The following OGG1 variants were observed in gnomAD, a reference collection of about 807,000 sequenced individuals.
OGG1 encodes 8-oxoguanine DNA glycosylase.
OGG1 carries 35 observed loss-of-function variants against 42.3 expected under a neutral mutation model. The observed-to-expected ratio is 0.83, with a 90% confidence interval of 0.63 to 1.10. The LOEUF is 1.10. OGG1 is among the 50% of genes least tolerant of loss of function. The pLI is 0.00. For synonymous variants in OGG1, 189 were observed against 179.0 expected (o/e 1.06, Z -0.44); for missense variants, 484 against 446.7 (o/e 1.08, Z -0.75).
downstream of OGG1, chr3:9,758,872 CAACCA>C: frequency 2.8e-6 from 1 of 353,870 alleles, no homozygotes; most frequent in East Asian, 7.2e-5. Context: ...TCAGGTGATC[CAACCA>C]CCTCGGCCTC....
At chr3:9,761,639 C>A (rs767399471), downstream of OGG1, 1 of 1,614,154 alleles carries the variant, frequency 6.2e-7, no homozygotes, top group Non-Finnish European at 8.5e-7. Context: ...ACCCACGTAT[C>A]CCGGAGTTCC....
downstream of OGG1, among the ~76,000 whole-genome samples, chr3:9,771,495 A>G (rs1219948803): frequency 6.6e-6 from 1 of 152,186 alleles, no homozygotes; most frequent in Non-Finnish European, 1.5e-5. Context: ...TCTATGATAT[A>G]ATGATATGAA....
At chr3:9,759,324 G>C (rs1015314553), downstream of OGG1, 3 of 1,577,460 alleles carry the variant, frequency 1.9e-6, no homozygotes, top group Admixed American at 5.0e-5. Context: ...GGTGTTGGGA[G>C]TGTTTGTTGA....
At chr3:9,770,752 C>T (rs927352474), downstream of OGG1, among the ~76,000 whole-genome samples, 1 of 151,190 alleles carries the variant, frequency 6.6e-6, no homozygotes, top group Admixed American at 6.6e-5. Context: ...TCGGTTTGCT[C>T]AAGGCCTTCC....
At chr3:9,781,971 A>G (rs2078479777) in intron 3 of OGG1, among the ~76,000 whole-genome samples, 1 of 150,980 alleles carries the variant, frequency 6.6e-6, no homozygotes, top group South Asian at 2.1e-4. Flanking sequence ...CCTGAGTAGG[A>G]CTATAGGCAT....
downstream of OGG1, among the ~76,000 whole-genome samples, chr3:9,768,688 C>G (rs1413302568): frequency 6.6e-6 from 1 of 152,178 alleles, no homozygotes; most frequent in Admixed American, 6.5e-5. Context: ...ACACAGCCTC[C>G]CAACCCATCC....
Position 9,766,319 on chromosome 3 carries a change from C to CT in OGG1, c.*489dup, listed in dbSNP as rs2125594858. ...CTCTGGATCCAGCCATGCCTGAGGT[C>CT]TACCCCTGGGCTTTTGGATTATGTG... On this transcript the variant is annotated 3_prime_UTR_variant, in exon 8 of 8. Transcript: ENST00000302008. The CT allele has an allele frequency of 1.6e-5, 11 of 694,098 alleles. No homozygotes were observed. In the South Asian group the frequency reaches 1.7e-4, roughly 10 times the overall value. 43.0% of individuals were successfully genotyped at this position (694,098 alleles called of 1,614,324 possible).
exon 4 of OGG1, chr3:9,787,864 C>A (rs2078652942): frequency 8.4e-6 from 4 of 474,242 alleles, no homozygotes; most frequent in Non-Finnish European, 1.5e-5. Flanking sequence ...GAGATCAGGG[C>A]CTTGAAGGGT....
chr3:9,752,358 G>C (rs1053877628), intron 3 of OGG1, among the ~76,000 whole-genome samples: 1 of 151,948 alleles, frequency 6.6e-6, no homozygotes, highest in African/African-American at 2.4e-5. Flanking sequence ...TATTATTGGA[G>C]TTGTCATGAG....
chr3:9,767,574 T>C, downstream of OGG1: 1 of 1,534,626 alleles, frequency 6.5e-7, no homozygotes, highest in Non-Finnish European at 9.0e-7. Flanking sequence ...GCCTGGGCTG[T>C]GGGAAACAGG....
chr3:9,784,864 CAAA>C (rs56673103), intron 3 of OGG1, among the ~76,000 whole-genome samples: 3 of 97,392 alleles, frequency 3.1e-5, no homozygotes. Flanking sequence ...GACTCCATCT[CAAA>C]AAAAAAAAAA....
In OGG1 at chr3:9,764,618, T is replaced by G. The variant is rs539871213; in HGVS notation, c.1049-1191T>G. ...TGAGCCACTGCGCCTGGCGTTTTTG[T>G]TTTTTTTTTGTTTTTTTTTTTTTTT... On this transcript the variant is annotated intron_variant, in intron 7 of 7. Transcript: ENST00000302008. Among the ~76,000 whole-genome samples the G allele has an allele frequency of 1.0e-3, 106 of 103,234 alleles. 2 individuals are homozygous for G. The highest frequency in any genetic ancestry group is 1.4e-3 in the Non-Finnish European group (73 of 51,924). 67.7% of individuals were successfully genotyped at this position (103,234 alleles called of 152,430 possible). A position where few individuals can be genotyped will look rare whatever the true frequency, so the allele number is the denominator to read the frequency against.
intron 2 of OGG1, chr3:9,780,501 G>A: frequency 6.2e-7 from 1 of 1,608,812 alleles, no homozygotes. Flanking sequence ...TGTCAGCCAT[G>A]CGCACCCGCT....
At chr3:9,760,726 T>G, downstream of OGG1, 2 of 1,613,840 alleles carry the variant, frequency 1.2e-6, no homozygotes, top group Non-Finnish European at 1.7e-6. Flanking sequence ...GTTCAAAGAG[T>G]TTGGCATCAT....
intron 7 of OGG1, among the ~76,000 whole-genome samples, chr3:9,762,645 G>A (rs1472910895): frequency 3.3e-5 from 5 of 152,058 alleles, no homozygotes; most frequent in African/African-American, 1.2e-4. Context: ...GATTACAGGC[G>A]TGAGCCATCC....
Position 9,751,033 on chromosome 3 carries a change from A to C in OGG1, c.226A>C (p.Thr76Pro), listed in dbSNP as rs1052618606. The C allele has an allele frequency of 5.6e-6, 9 of 1,613,802 alleles. No individual in the cohort carries two copies. In the African/African-American group the frequency reaches 1.1e-4, roughly 19 times the overall value. ...LTQTEEQLHC[T>P]VYRGDKSQAS... ...TCAGACTGAGGAGCAGCTCCACTGCACTGTGTACCGAGGAGACAAGAGCCA... is the reference window on the plus strand; with the variant it reads ...TCAGACTGAGGAGCAGCTCCACTGCCCTGTGTACCGAGGAGACAAGAGCCA... The change falls in exon 2 of 7, where the codon ACT (threonine) becomes CCT (proline). Residue 76 changes from threonine to proline, a missense_variant. Transcript: ENST00000344629.
intron 2 of OGG1, among the ~76,000 whole-genome samples, chr3:9,776,672 A>T (rs908868899): frequency 1.8e-4 from 27 of 152,132 alleles, no homozygotes; most frequent in Non-Finnish European, 3.4e-4. Flanking sequence ...TACAGGCGTG[A>T]GCCACCGTGC....
At chr3:9,779,451 C>T (rs926329997) in intron 2 of OGG1, among the ~76,000 whole-genome samples, 1 of 151,898 alleles carries the variant, frequency 6.6e-6, no homozygotes, top group Non-Finnish European at 1.5e-5. Flanking sequence ...GAAGGACTCA[C>T]CTTAGGCAGA....
At chr3:9,786,956 C>T (rs1176891691) in intron 3 of OGG1, 2 of 1,499,026 alleles carry the variant, frequency 1.3e-6, no homozygotes, top group Non-Finnish European at 1.8e-6. Flanking sequence ...AAGCATAACA[C>T]ATTAAAACAC....
Sources: gnomAD v4.1 joint callset for allele counts (sites outside exome capture counted in the v4.1 genomes callset) on GRCh38, gnomAD v4.1.1 for gene constraint, MANE v1.5 for transcripts, NCBI Gene and HGNC (gene_info 2026-07-23, HGNC 2026-07-21) for gene names.